NXPH1: variants seen among roughly 807,000 people sequenced by gnomAD.
NXPH1 encodes neurexophilin 1.
In NXPH1, 5 loss-of-function variants were observed where a neutral mutation model predicts 23.7. That is an observed-to-expected ratio of 0.21 (90% CI 0.11 to 0.44). The LOEUF (loss-of-function observed/expected upper bound fraction) is 0.44, where lower values mean the gene tolerates loss of function less well. Among genes scored for constraint, NXPH1 ranks in the 20% least tolerant of loss-of-function variants. The pLI is 0.99. For missense variants in NXPH1, 324 were observed against 321.6 expected (o/e 1.01, Z -0.06); for synonymous variants, 144 against 122.2 (o/e 1.18, Z -1.18).
At chr7:8,669,533 A>G (rs1820833438) in intron 2 of NXPH1, among the ~76,000 whole-genome samples, 1 of 152,114 alleles carries the variant, frequency 6.6e-6, no homozygotes, top group African/African-American at 2.4e-5. Flanking sequence ...ATTAGCCTGA[A>G]TTCTGGGAGC....
intron 2 of NXPH1, among the ~76,000 whole-genome samples, chr7:8,554,379 A>C (rs1424048467): frequency 2.0e-5 from 3 of 151,616 alleles, no homozygotes; most frequent in Non-Finnish European, 4.4e-5. Context: ...AGATTGACTC[A>C]CATCCATCAG....
intron 2 of NXPH1, among the ~76,000 whole-genome samples, chr7:8,503,333 A>T (rs1470291865): frequency 6.6e-6 from 1 of 151,948 alleles, no homozygotes; most frequent in Non-Finnish European, 1.5e-5. Context: ...GAACCTGAGT[A>T]TTTTGACTCC....
At chr7:8,452,652 A>G (rs1816527124) in intron 2 of NXPH1, among the ~76,000 whole-genome samples, 1 of 152,158 alleles carries the variant, frequency 6.6e-6, no homozygotes, top group African/African-American at 2.4e-5. Flanking sequence ...TGGTGGAAAG[A>G]GGGGAAAAGA....
intron 2 of NXPH1, among the ~76,000 whole-genome samples, chr7:8,443,653 T>C (rs1584157887): frequency 6.6e-6 from 1 of 152,172 alleles, no homozygotes; most frequent in Non-Finnish European, 1.5e-5. Context: ...GGACAAACCA[T>C]GGCTAGGCAG....
At chr7:8,465,475 T>C (rs886346843) in intron 2 of NXPH1, among the ~76,000 whole-genome samples, 2 of 152,102 alleles carry the variant, frequency 1.3e-5, no homozygotes, top group Non-Finnish European at 2.9e-5. Context: ...TGGGAAGGAT[T>C]GTATGTGGGA....
intron 2 of NXPH1, among the ~76,000 whole-genome samples, chr7:8,744,136 C>T (rs749201940): frequency 6.6e-6 from 1 of 152,110 alleles, no homozygotes; most frequent in Admixed American, 6.5e-5. Flanking sequence ...TGACCCTTGT[C>T]TATGCCCCTA....
At chr7:8,720,472 A>C (rs1405686957) in intron 2 of NXPH1, among the ~76,000 whole-genome samples, 1 of 152,234 alleles carries the variant, frequency 6.6e-6, no homozygotes, top group African/African-American at 2.4e-5. Flanking sequence ...ACACTATGCA[A>C]ATATTTGTTT....
chr7:8,527,047 A>G (rs1265474776), intron 2 of NXPH1, among the ~76,000 whole-genome samples: 1 of 77,398 alleles, frequency 1.3e-5, no homozygotes, highest in East Asian at 3.7e-4. Flanking sequence ...TTTGCCCCTT[A>G]CCAAAAAAAA....
At chr7:8,562,176 C>A (rs762872825) in intron 2 of NXPH1, among the ~76,000 whole-genome samples, 26 of 151,616 alleles carry the variant, frequency 1.7e-4, no homozygotes, top group Non-Finnish European at 3.2e-4. Context: ...TTTTAATTTG[C>A]TCAAGATCAA....
At chr7:8,621,411 C>T (rs1424303724) in intron 2 of NXPH1, among the ~76,000 whole-genome samples, 1 of 151,666 alleles carries the variant, frequency 6.6e-6, no homozygotes, top group African/African-American at 2.4e-5. Flanking sequence ...AAATTTCCAT[C>T]TTTGACTTTT....
intron 2 of NXPH1, among the ~76,000 whole-genome samples, chr7:8,683,188 A>T (rs1326186493): frequency 6.6e-6 from 1 of 152,192 alleles, no homozygotes; most frequent in Non-Finnish European, 1.5e-5. Flanking sequence ...TAAACAAGAG[A>T]GATGTCAGGC....
chr7:8,733,223 G>A (rs1458919290), intron 2 of NXPH1, among the ~76,000 whole-genome samples: 2 of 152,100 alleles, frequency 1.3e-5, no homozygotes, highest in Non-Finnish European at 2.9e-5. Flanking sequence ...CTTTTTTATA[G>A]CTGCATAGTA....
At chr7:8,517,685 T>G (rs1817708031) in intron 2 of NXPH1, among the ~76,000 whole-genome samples, 1 of 152,154 alleles carries the variant, frequency 6.6e-6, no homozygotes, top group Admixed American at 6.5e-5. Context: ...GTGCCTGGGC[T>G]TCTGTTTACA....
intron 2 of NXPH1, among the ~76,000 whole-genome samples, chr7:8,448,830 A>AAAAAAAAAAG (rs1816453727): frequency 6.6e-6 from 1 of 151,710 alleles, no homozygotes; most frequent in Non-Finnish European, 1.5e-5. Context: ...AAAAAAAAAA[A>AAAAAAAAAAG]AAAAAAAAAA....
chr7:8,735,800 C>T (rs1403212160), intron 2 of NXPH1, among the ~76,000 whole-genome samples: 1 of 151,980 alleles, frequency 6.6e-6, no homozygotes, highest in Admixed American at 6.6e-5. Flanking sequence ...GTTAATTACG[C>T]CTTAATTTCA....
intron 2 of NXPH1, among the ~76,000 whole-genome samples, chr7:8,675,561 G>C (rs543032847): frequency 2.0e-5 from 3 of 152,114 alleles, no homozygotes; most frequent in African/African-American, 7.2e-5. Flanking sequence ...TGAGACTGCA[G>C]AAACAGAAGA....
At chr7:8,445,509 G>A (rs1816388872) in intron 2 of NXPH1, among the ~76,000 whole-genome samples, 1 of 152,174 alleles carries the variant, frequency 6.6e-6, no homozygotes, top group African/African-American at 2.4e-5. Context: ...GCCTTCTAGA[G>A]CTAAGATGAA....
At chr7:8,447,687 A>G (rs1816429096) in intron 2 of NXPH1, among the ~76,000 whole-genome samples, 1 of 152,228 alleles carries the variant, frequency 6.6e-6, no homozygotes, top group Non-Finnish European at 1.5e-5. Context: ...AAAGTGAATG[A>G]TTTGCCCTGA....
At chr7:8,458,646 C>T (rs977311934) in intron 2 of NXPH1, among the ~76,000 whole-genome samples, 3 of 152,132 alleles carry the variant, frequency 2.0e-5, no homozygotes, top group Non-Finnish European at 2.9e-5. Context: ...CTCAGTCATT[C>T]AGTTTCTTGA....
Sources: gnomAD v4.1 joint callset for allele counts (sites outside exome capture counted in the v4.1 genomes callset) on GRCh38, gnomAD v4.1.1 for gene constraint, MANE v1.5 for transcripts, NCBI Gene and HGNC (gene_info 2026-07-23, HGNC 2026-07-21) for gene names.